Variants in RGS21 observed in about 807,000 individuals in gnomAD.
RGS21 encodes regulator of G protein signaling 21, also known as regulator of G-protein signalling 21.
In RGS21, 19 loss-of-function variants were observed where a neutral mutation model predicts 18.7. The ratio of observed to expected loss-of-function variants is 1.01; its 90% confidence interval spans 0.71 to 1.49. The LOEUF is 1.49. Ranked by LOEUF, RGS21 falls within the 40% of genes most tolerant of loss-of-function variation. The probability of loss-of-function intolerance (pLI) is 0.00; values close to 1 mark genes in which losing one functional copy is unlikely to be tolerated. For missense variants in RGS21, 194 were observed against 176.8 expected, an observed-to-expected ratio of 1.10 and a Z score of -0.55; for synonymous variants, 56 against 57.8, an observed-to-expected ratio of 0.97 and a Z score of 0.14.
chr1:192,354,311 C>G (rs1227338376), intron 4 of RGS21, among the ~76,000 whole-genome samples: 1 of 151,324 alleles, frequency 6.6e-6, no homozygotes, highest in African/African-American at 2.4e-5. Flanking sequence ...TTTAATCTAC[C>G]TGGAGAGTTA....
intron 1 of RGS21, among the ~76,000 whole-genome samples, chr1:192,330,045 C>G (rs2102224392): frequency 6.6e-6 from 1 of 152,080 alleles, no homozygotes; most frequent in Admixed American, 6.5e-5. Flanking sequence ...TATATATCAA[C>G]TGGTATTGTT....
intron 4 of RGS21, among the ~76,000 whole-genome samples, chr1:192,360,641 AT>A (rs1236610068): frequency 6.6e-6 from 1 of 152,118 alleles, no homozygotes; most frequent in African/African-American, 2.4e-5. Flanking sequence ...CTGACTTAAA[AT>A]TCTCCTCGTT....
At chr1:192,362,375 AGAGT>A (rs1053601271) in intron 4 of RGS21, among the ~76,000 whole-genome samples, 1 of 152,072 alleles carries the variant, frequency 6.6e-6, no homozygotes, top group Non-Finnish European at 1.5e-5. Context: ...TGGAAAAATA[AGAGT>A]GAGAATGAAA....
Position 192,323,413 on chromosome 1 carries a change from G to A in RGS21, c.-61+6308G>A, listed in dbSNP as rs565689757. ...GCACTTACGGCTCTGTTGCAGGCACGTTAGGCAAAAGTTGTGATAGACTAG... is the reference window on the plus strand; with the variant it reads ...GCACTTACGGCTCTGTTGCAGGCACATTAGGCAAAAGTTGTGATAGACTAG... On this transcript the variant is annotated intron_variant, in intron 1 of 4. Transcript: ENST00000417209. Among the ~76,000 whole-genome samples the A allele has an allele frequency of 2.4e-4, 37 of 152,182 alleles. No homozygotes were observed. In the South Asian group the frequency reaches 7.7e-3, roughly 32 times the overall value.
intron 1 of RGS21, among the ~76,000 whole-genome samples, chr1:192,340,810 G>A (rs1241253536): frequency 6.6e-6 from 1 of 152,052 alleles, no homozygotes; most frequent in Non-Finnish European, 1.5e-5. Context: ...ACCAAAAGGG[G>A]AAACTCCGTA....
At chr1:192,352,324 A>G in intron 4 of RGS21, 111 bp downstream of exon 4, 1 of 702,920 alleles carries the variant, frequency 1.4e-6, no homozygotes, top group Non-Finnish European at 2.1e-6. Flanking sequence ...ATGTGTTTAA[A>G]TAGAAAATGT....
At chr1:192,328,196 G>A (rs1658596501) in intron 1 of RGS21, among the ~76,000 whole-genome samples, 1 of 152,202 alleles carries the variant, frequency 6.6e-6, no homozygotes, top group Non-Finnish European at 1.5e-5. Flanking sequence ...ACATATGCAT[G>A]CCAGGCTGGG....
intron 1 of RGS21, among the ~76,000 whole-genome samples, chr1:192,337,538 T>G (rs1430986564): frequency 1.3e-5 from 2 of 152,108 alleles, no homozygotes; most frequent in Non-Finnish European, 2.9e-5. Context: ...TACTGAGGTC[T>G]TCACCAGTCA....
At chr1:192,358,056 G>A (rs1659134498) in intron 4 of RGS21, among the ~76,000 whole-genome samples, 1 of 151,880 alleles carries the variant, frequency 6.6e-6, no homozygotes, top group South Asian at 2.1e-4. Flanking sequence ...ATTCCATTTC[G>A]GCTGCTCCAG....
chr1:192,364,573 T>C (rs1659228787), intron 4 of RGS21, among the ~76,000 whole-genome samples: 1 of 152,120 alleles, frequency 6.6e-6, no homozygotes, highest in Non-Finnish European at 1.5e-5. Context: ...AGTAAGTAGC[T>C]GAGGAGGAAT....
chr1:192,356,415 C>T (rs560510691), intron 4 of RGS21, among the ~76,000 whole-genome samples: 1 of 151,788 alleles, frequency 6.6e-6, no homozygotes, highest in South Asian at 2.1e-4. Context: ...TAAATAGAAA[C>T]TTTAGTTTGA....
intron 1 of RGS21, among the ~76,000 whole-genome samples, chr1:192,337,049 A>G (rs1007574087): frequency 6.6e-6 from 1 of 152,106 alleles, no homozygotes; most frequent in African/African-American, 2.4e-5. Flanking sequence ...CTAGTAATAT[A>G]TTATAAAAGA....
chr1:192,351,448 A>G (rs556755206), intron 3 of RGS21, among the ~76,000 whole-genome samples: 1 of 152,152 alleles, frequency 6.6e-6, no homozygotes, highest in African/African-American at 2.4e-5. Flanking sequence ...TATAGCAACA[A>G]AGATATTCTT....
intron 1 of RGS21, among the ~76,000 whole-genome samples, chr1:192,325,478 T>C (rs1658556559): frequency 2.6e-5 from 4 of 152,232 alleles, no homozygotes; most frequent in Admixed American, 2.6e-4. Context: ...TATCCAGTCA[T>C]GGGACTGCTG....
chr1:192,331,771 TTAAA>T (rs1658661166), intron 1 of RGS21, among the ~76,000 whole-genome samples: 1 of 151,882 alleles, frequency 6.6e-6, no homozygotes, highest in African/African-American at 2.4e-5. Flanking sequence ...ATTTACTACT[TTAAA>T]TATTTTTTTA....
intron 1 of RGS21, among the ~76,000 whole-genome samples, chr1:192,341,359 C>T (rs1297068235): frequency 6.6e-6 from 1 of 152,022 alleles, no homozygotes. Context: ...TAGCTTATTA[C>T]ACTGTGCATA....
chr1:192,343,181 C>A, intron 2 of RGS21, 134 bp downstream of exon 2: 2 of 879,760 alleles, frequency 2.3e-6, no homozygotes, highest in South Asian at 2.9e-5. Flanking sequence ...GATTTTTTCT[C>A]CTTTCTCTAC....
Position 192,365,961 on chromosome 1 carries a change from A to C in RGS21, c.296A>C (p.Asn99Thr), listed in dbSNP as rs746590602. Residue 99 changes from asparagine (N) to threonine (T), a missense_variant, in exon 5 of 5, where the codon AAT becomes ACT. Asn to Thr is a moderately conservative substitution (Grantham distance 65). Coordinates refer to ENST00000417209, the MANE Select transcript of RGS21 (RefSeq NM_001039152.3). ...GGTACCAGAGACCTCATCTCAAAGA[A>C]TATTGCTGAACCAACACTCAAATGC... Reference protein sequence around the residue: ...DFGTRDLISKNIAEPTLKCFD... With the variant: ...DFGTRDLISKTIAEPTLKCFD... 5 of 1,610,628 alleles carry C rather than the reference A, an allele frequency of 3.1e-6. No individual in the cohort carries two copies. The South Asian group carries it at 5.5e-5, about 18-fold the overall frequency.
intron 1 of RGS21, among the ~76,000 whole-genome samples, chr1:192,331,127 A>T (rs2102224893): frequency 6.6e-6 from 1 of 152,356 alleles, no homozygotes; most frequent in East Asian, 1.9e-4. Context: ...TCCCTGAATA[A>T]ATAATAGCTC....
Sources: gnomAD v4.1 joint callset for allele counts (sites outside exome capture counted in the v4.1 genomes callset) on GRCh38, gnomAD v4.1.1 for gene constraint, MANE v1.5 for transcripts, NCBI Gene and HGNC (gene_info 2026-07-23, HGNC 2026-07-21) for gene names.